CELF2: variants seen among roughly 807,000 people sequenced by gnomAD.
The protein encoded by CELF2 is CUG triplet repeat RNA-binding protein 2.
A neutral mutation model predicts 62.6 loss-of-function variants in CELF2; 8 were observed. The ratio of observed to expected loss-of-function variants is 0.13; its 90% CI spans 0.07 to 0.23. The LOEUF (loss-of-function observed/expected upper bound fraction) is 0.23. CELF2 is among the 10% of genes least tolerant of loss of function. The probability of loss-of-function intolerance (pLI) is 1.00; values close to 1 mark genes in which losing one functional copy is unlikely to be tolerated. For synonymous variants in CELF2, 258 were observed against 250.0 expected (o/e 1.03, Z -0.30); for missense variants, 333 against 671.0 (o/e 0.50, Z 5.56).
chr10:10,542,179 C>G, the CELF2 span, among the ~76,000 whole-genome samples: 1 of 152,188 alleles, frequency 6.6e-6, no homozygotes, highest in South Asian at 2.1e-4. Flanking sequence ...ACGGGTATCA[C>G]GTCACCTAAT....
intron 5 of CELF2, among the ~76,000 whole-genome samples, chr10:11,266,206 C>T (rs879453618): frequency 6.6e-6 from 1 of 151,964 alleles, no homozygotes; most frequent in Admixed American, 6.6e-5. Flanking sequence ...AAATACAAAG[C>T]CCTGATGTGT....
the CELF2 span, among the ~76,000 whole-genome samples, chr10:10,584,776 C>G: frequency 2.6e-5 from 4 of 152,142 alleles, no homozygotes; most frequent in African/African-American, 9.6e-5. Flanking sequence ...CTGTCCAATG[C>G]AGTAGCCACA....
At chr10:10,737,587 G>T in the CELF2 span, among the ~76,000 whole-genome samples, 2 of 152,022 alleles carry the variant, frequency 1.3e-5, no homozygotes, top group Admixed American at 1.3e-4. Flanking sequence ...CCTCCAGCAA[G>T]GGGGGAAGCT....
the CELF2 span, among the ~76,000 whole-genome samples, chr10:10,663,365 T>C: frequency 6.6e-6 from 1 of 152,130 alleles, no homozygotes; most frequent in African/African-American, 2.4e-5. Context: ...CCCCAAAGAA[T>C]AAAAGCACAA....
At chr10:10,732,945 G>A in the CELF2 span, among the ~76,000 whole-genome samples, 2 of 152,208 alleles carry the variant, frequency 1.3e-5, no homozygotes, top group East Asian at 3.9e-4. Flanking sequence ...GGAAGAAAAA[G>A]AGGATGAGCC....
chr10:10,710,790 C>T, the CELF2 span, among the ~76,000 whole-genome samples: 7 of 152,046 alleles, frequency 4.6e-5, no homozygotes, highest in African/African-American at 1.7e-4. Context: ...TTTTGATGTA[C>T]TTATAATTTA....
chr10:10,573,761 T>C, the CELF2 span, among the ~76,000 whole-genome samples: 1 of 151,752 alleles, frequency 6.6e-6, no homozygotes, highest in South Asian at 2.1e-4. Flanking sequence ...ACATAATCGT[T>C]TCAGCTTTTA....
chr10:10,538,479 C>A, the CELF2 span, among the ~76,000 whole-genome samples: 215 of 152,228 alleles, frequency 1.4e-3, 5 homozygotes, highest in East Asian at 0.028. Context: ...TCTCAAGTGT[C>A]TCTGGTTAAA....
At chr10:10,632,657 T>C in the CELF2 span, among the ~76,000 whole-genome samples, 56 of 152,336 alleles carry the variant, frequency 3.7e-4, no homozygotes, top group African/African-American at 1.3e-3. Flanking sequence ...ATCTTCTTTT[T>C]GTTTGTCGGT....
rs182559136 is a variant in CELF2 at position 11,157,821 on chromosome 10, C to G, written c.75-7665C>G. ...GAGAGGGTTGTGAATCCGCACTGAC[C>G]GTGTTCTCTTGCATAAATAAGTCCA... On this transcript the variant is annotated intron_variant, in intron 1 of 12. Transcript: ENST00000633077. The surrounding 1 kb of genome is among the most constrained non-coding windows in gnomAD (Gnocchi z 4.9). Among the ~76,000 whole-genome samples, 4 of 152,164 alleles carry G rather than the reference C, an allele frequency of 2.6e-5. No homozygotes were observed. In the South Asian group the frequency reaches 8.3e-4, roughly 31 times the overall value.
At chr10:10,979,486 C>G (rs1339152075) in intron 2 of CELF2, among the ~76,000 whole-genome samples, 1 of 152,008 alleles carries the variant, frequency 6.6e-6, no homozygotes, top group Non-Finnish European at 1.5e-5. Flanking sequence ...GCCTGGGCAA[C>G]ATGGTGAAAC....
intron 3 of CELF2, among the ~76,000 whole-genome samples, chr10:11,231,670 A>G (rs7074679): frequency 6.7e-6 from 1 of 149,908 alleles, no homozygotes; most frequent in Non-Finnish European, 1.5e-5. Flanking sequence ...CTGTTTACTT[A>G]GTTTGTATAT....
the CELF2 span, among the ~76,000 whole-genome samples, chr10:10,614,109 T>A: frequency 2.6e-5 from 4 of 151,638 alleles, no homozygotes; most frequent in South Asian, 8.3e-4. Context: ...ACCCAAGTAA[T>A]GTTTGTGCAA....
At chr10:11,116,167 A>G (rs920790983) in intron 1 of CELF2, among the ~76,000 whole-genome samples, 1 of 152,242 alleles carries the variant, frequency 6.6e-6, no homozygotes, top group African/African-American at 2.4e-5. Context: ...AGAATGCTAG[A>G]TCGTAGAAAT....
intron 1 of CELF2, among the ~76,000 whole-genome samples, chr10:11,051,901 CTTTTT>C (rs10711238): frequency 1.6e-5 from 2 of 122,494 alleles, no homozygotes; most frequent in Admixed American, 8.4e-5. Flanking sequence ...ATTGTTAATA[CTTTTT>C]TTTTTTTTTT....
At chr10:11,187,674 T>C (rs946079120) in intron 2 of CELF2, among the ~76,000 whole-genome samples, 23 of 152,210 alleles carry the variant, frequency 1.5e-4, no homozygotes, top group African/African-American at 5.3e-4. Flanking sequence ...AGCTCTTTTT[T>C]GTTGTTTTAG....
At position 11,156,268 on chromosome 10, in the gene CELF2, A is replaced by C. The variant is rs1160532597; in HGVS notation, c.75-9218A>C. 2.0e-5 allele frequency among the ~76,000 whole-genome samples: 3 copies of C among 152,184 alleles called. No individual in the cohort carries two copies. The highest frequency in any genetic ancestry group is 7.2e-5 in the African/African-American group (3 of 41,430). ...TTAATAGGACGGCACTGGACGGGATAACATGGCTCTTAATAGTGGCGACAG... is the reference window on the plus strand; with the variant it reads ...TTAATAGGACGGCACTGGACGGGATCACATGGCTCTTAATAGTGGCGACAG... On this transcript the variant is annotated intron_variant, in intron 1 of 12. Coordinates refer to ENST00000633077, the MANE Select transcript of CELF2 (RefSeq NM_001326342.2). This position sits in a 1 kb window ranked among gnomAD's most constrained non-coding sequence, Gnocchi z 4.3.
At chr10:11,152,622 C>A (rs1298677416) in intron 1 of CELF2, among the ~76,000 whole-genome samples, 2 of 152,200 alleles carry the variant, frequency 1.3e-5, no homozygotes, top group African/African-American at 2.4e-5. Flanking sequence ...TAAAAATCTG[C>A]TTTATTTCTT....
chr10:11,229,128 G>A (rs976851705), intron 3 of CELF2, among the ~76,000 whole-genome samples: 2 of 152,124 alleles, frequency 1.3e-5, no homozygotes, highest in African/African-American at 4.8e-5. Flanking sequence ...TCAGTGCTGG[G>A]GTGAGTACAG....
Sources: allele counts gnomAD v4.1 joint callset (sites outside exome capture counted in the v4.1 genomes callset), GRCh38; gene constraint gnomAD v4.1.1; non-coding constraint Gnocchi (gnomAD v3.1); transcripts MANE v1.5; gene names NCBI Gene and HGNC (gene_info 2026-07-23, HGNC 2026-07-21).